Variants in FAF2 observed in about 807,000 individuals in gnomAD.
FAF2 encodes the protein Fas associated factor family member 2.
In FAF2, 9 loss-of-function variants were observed where a neutral mutation model predicts 62.3. The ratio of observed to expected loss-of-function variants is 0.14; its 90% CI spans 0.09 to 0.25. FAF2 has a LOEUF of 0.25. Among genes scored for constraint, FAF2 ranks in the 10% least tolerant of loss-of-function variants. FAF2 has a pLI of 1.00. For synonymous variants in FAF2, 202 were observed against 198.0 expected, an observed-to-expected ratio of 1.02 and a Z score of -0.17; for missense variants, 368 against 556.2, an observed-to-expected ratio of 0.66 and a Z score of 3.40.
At chr5:176,468,102 T>C (rs766258565) in intron 1 of FAF2, among the ~76,000 whole-genome samples, 3 of 151,886 alleles carry the variant, frequency 2.0e-5, no homozygotes, top group Non-Finnish European at 2.9e-5. Context: ...GAAGCGGAGA[T>C]TGTGGTGAGC....
At chr5:176,479,281 T>C in intron 2 of FAF2, 25 bp downstream of exon 2, 1 of 1,585,950 alleles carries the variant, frequency 6.3e-7, no homozygotes, top group South Asian at 1.1e-5. Context: ...GTTCTGAGCT[T>C]ATTTCTTTTT....
chr5:176,468,350 C>T (rs1581060263), intron 1 of FAF2, among the ~76,000 whole-genome samples: 3 of 151,780 alleles, frequency 2.0e-5, no homozygotes, highest in East Asian at 3.9e-4. Context: ...TTTGGGAGGC[C>T]GAGGCAGGTG....
Position 176,448,596 on chromosome 5 carries a change from C to A in FAF2, c.63+126C>A, listed in dbSNP as rs895539645. ...AGACCAGCAGGCCGGCCCCCTCCCC[C>A]CCAGACTCCAACTGCCCTGATTCCC... On this transcript the variant is annotated intron_variant, in intron 1 of 10. Coordinates refer to ENST00000261942, the MANE Select transcript of FAF2 (RefSeq NM_014613.3). 1.7e-5 allele frequency: 16 copies of A among 935,292 alleles called. 1 individual carries two copies. The highest frequency in any genetic ancestry group is 5.4e-5 in the East Asian group (2 of 37,322). The allele number at this position is 935,292 out of a possible 1,614,324, so 57.9% of individuals were successfully genotyped here. A position where few individuals can be genotyped will look rare whatever the true frequency, so the allele number is the denominator to read the frequency against.
intron 1 of FAF2, among the ~76,000 whole-genome samples, chr5:176,476,448 G>A (rs1214658491): frequency 6.6e-6 from 1 of 152,082 alleles, no homozygotes; most frequent in East Asian, 1.9e-4. Context: ...GAATATTACA[G>A]TGAATTGTTC....
chr5:176,451,847 CATATATATACACAT>C, intron 1 of FAF2, among the ~76,000 whole-genome samples: 1 of 22,376 alleles, frequency 4.5e-5, no homozygotes, highest in East Asian at 1.6e-3. Flanking sequence ...TATATACACA[CATATATATACACAT>C]ATATATATAC....
rs766484502 is a variant in FAF2 at position 176,477,780 on chromosome 5, G to A, written c.64-1408G>A. Among the ~76,000 whole-genome samples, 29 of 152,238 alleles carry A rather than the reference G, an allele frequency of 1.9e-4. 1 individual carries two copies. In the Middle Eastern group the frequency reaches 0.01, roughly 54 times the overall value. ...TTAAACCCTTCACATTGCACATAAA[G>A]GAAACTAAATTCAGAGTTAAAATGT... On this transcript the variant is annotated intron_variant, in intron 1 of 10. Transcript: ENST00000261942.
intron 4 of FAF2, among the ~76,000 whole-genome samples, chr5:176,491,927 A>G (rs1237249816): frequency 3.9e-5 from 6 of 152,188 alleles, no homozygotes; most frequent in Admixed American, 6.5e-5. Context: ...TTGTTCTACA[A>G]AAAATACTCA....
In FAF2 at chr5:176,460,502, A is replaced by G. The variant is rs189685358; in HGVS notation, c.63+12032A>G. Among the ~76,000 whole-genome samples, 610 of 134,698 alleles carry G rather than the reference A, an allele frequency of 4.5e-3. 7 individuals carry two copies. The highest frequency in any genetic ancestry group is 0.016 in the African/African-American group (588 of 36,284). 88.4% of individuals were successfully genotyped at this position (134,698 alleles called of 152,430 possible). ...TCTCTAATGAGCAGTGATGTTGACT[A>G]TTTTTGGCCGCGTGTGTGTGTGTGT... On this transcript the variant is annotated intron_variant, in intron 1 of 10. Coordinates refer to ENST00000261942, the MANE Select transcript of FAF2 (RefSeq NM_014613.3).
rs377344097 is a variant in FAF2 at position 176,465,029 on chromosome 5, A to G, written c.64-14159A>G. 5.3e-5 allele frequency among the ~76,000 whole-genome samples: 8 copies of G among 152,276 alleles called. No individual in the cohort carries two copies. In the South Asian group the frequency reaches 1.7e-3, roughly 32 times the overall value. ...CAGCCTCCTGAATACCTGGGATTAT[A>G]GGCATGCGCCACTACCACGCCCAGC... On this transcript the variant is annotated intron_variant, in intron 1 of 10. Coordinates refer to ENST00000261942, the MANE Select transcript of FAF2 (RefSeq NM_014613.3).
At chr5:176,459,056 A>G (rs1417552302) in intron 1 of FAF2, among the ~76,000 whole-genome samples, 3 of 152,250 alleles carry the variant, frequency 2.0e-5, no homozygotes, top group Admixed American at 1.3e-4. Context: ...GGGGGGTTCA[A>G]ACTGATTTCT....
rs558936678 is a variant in FAF2, at chr5:176,487,674, ATAAT to A, written c.267+1190_267+1193del. 7.2e-5 allele frequency among the ~76,000 whole-genome samples: 11 copies of A among 152,302 alleles called. No homozygotes were observed. The East Asian group carries it at 9.6e-4, about 13-fold the overall frequency. On this transcript the variant is annotated intron_variant, in intron 3 of 10. Transcript: ENST00000261942. ...GAGCCCTGGATGTATGCTAGTTTTA[ATAAT>A]TAATAACAGCAATAATAATTAGCAT...
intron 10 of FAF2, among the ~76,000 whole-genome samples, chr5:176,501,026 C>G (rs555691198): frequency 6.6e-6 from 1 of 152,058 alleles, no homozygotes; most frequent in East Asian, 1.9e-4. Flanking sequence ...ACTCGGGAGG[C>G]TGAGGCAGGA....
At chr5:176,450,400 A>G (rs961467292) in intron 1 of FAF2, among the ~76,000 whole-genome samples, 1 of 152,198 alleles carries the variant, frequency 6.6e-6, no homozygotes, top group Admixed American at 6.5e-5. Flanking sequence ...AGAACTCTTC[A>G]GGGGTAAGCT....
chr5:176,490,325 G>A (rs945971042), intron 4 of FAF2, among the ~76,000 whole-genome samples: 14 of 144,208 alleles, frequency 9.7e-5, no homozygotes, highest in Middle Eastern at 3.8e-3. Flanking sequence ...AAAAAAAAAA[G>A]AAAAAGAAAA....
chr5:176,476,026 C>A (rs534087894), intron 1 of FAF2, among the ~76,000 whole-genome samples: 1 of 152,062 alleles, frequency 6.6e-6, no homozygotes, highest in African/African-American at 2.4e-5. Flanking sequence ...GAGGCCAAGG[C>A]GGGAGGATCG....
At chr5:176,464,820 C>T (rs1758436266) in intron 1 of FAF2, among the ~76,000 whole-genome samples, 1 of 151,796 alleles carries the variant, frequency 6.6e-6, no homozygotes, top group African/African-American at 2.4e-5. Context: ...GAAGCAGAAC[C>T]TTTCAAAGCC....
intron 1 of FAF2, among the ~76,000 whole-genome samples, chr5:176,464,461 C>T (rs1298379579): frequency 1.4e-5 from 2 of 147,526 alleles, no homozygotes; most frequent in African/African-American, 5.0e-5. Context: ...CCATTTGGTT[C>T]CATTTCTGGT....
At chr5:176,466,296 G>A (rs1248340079) in intron 1 of FAF2, among the ~76,000 whole-genome samples, 1 of 152,176 alleles carries the variant, frequency 6.6e-6, no homozygotes, top group East Asian at 1.9e-4. Context: ...AAAGCTGTCT[G>A]TGTGGTCGGA....
At chr5:176,505,255 G>T (rs1396165229) in intron 10 of FAF2, among the ~76,000 whole-genome samples, 1 of 152,154 alleles carries the variant, frequency 6.6e-6, no homozygotes, top group Non-Finnish European at 1.5e-5. Flanking sequence ...ATGCTAGATG[G>T]AGAGGCCACA....
Sources: allele counts gnomAD v4.1 joint callset (sites outside exome capture counted in the v4.1 genomes callset), GRCh38; gene constraint gnomAD v4.1.1; transcripts MANE v1.5; gene names NCBI Gene and HGNC (gene_info 2026-07-23, HGNC 2026-07-21).